HSPA4: variants seen among roughly 807,000 people sequenced by gnomAD.
The protein encoded by HSPA4 is heat shock protein family A (Hsp70) member 4, also known as heat shock 70 kDa protein 4.
Under a neutral mutation model 106.2 loss-of-function variants are expected in HSPA4, and 25 were observed. The ratio of observed to expected loss-of-function variants is 0.24; its 90% confidence interval spans 0.17 to 0.33. The LOEUF is 0.33. HSPA4 is among the 10% of genes least tolerant of loss of function. The pLI, the probability that HSPA4 is intolerant of heterozygous loss-of-function variation, is 1.00. For missense variants in HSPA4, 841 were observed against 996.0 expected, an observed-to-expected ratio of 0.84 and a Z score of 2.10; for synonymous variants, 332 against 333.6, an observed-to-expected ratio of 1.00 and a Z score of 0.05.
chr5:133,079,500 T>G (rs1765488676), intron 7 of HSPA4, among the ~76,000 whole-genome samples: 1 of 152,256 alleles, frequency 6.6e-6, no homozygotes, highest in African/African-American at 2.4e-5. Flanking sequence ...TATTATTTTC[T>G]TGTATGGATA....
rs541952267 is a variant in HSPA4, at chr5:133,058,061, T to C, written c.107+5704T>C. ...AAATAGGATTAGATAATACATGGAA[T>C]AAAGGATTCAGATAGTTTGAGTGAA... On this transcript the variant is annotated intron_variant, in intron 1 of 18. Coordinates refer to ENST00000304858, the MANE Select transcript of HSPA4 (RefSeq NM_002154.4). Among the ~76,000 whole-genome samples the C allele has an allele frequency of 5.5e-4, 83 of 152,276 alleles. 1 individual carries two copies. Among genetic ancestry groups the C allele is most frequent in the African/African-American group, 1.9e-3 (80 of 41,548 alleles).
chr5:133,085,566 A>G (rs1765568158), intron 7 of HSPA4, among the ~76,000 whole-genome samples: 1 of 151,850 alleles, frequency 6.6e-6, no homozygotes, highest in Non-Finnish European at 1.5e-5. Flanking sequence ...AGGCTGAGGC[A>G]GGAGAATTGC....
At chr5:133,100,839 T>C (rs1765775924) in intron 16 of HSPA4, among the ~76,000 whole-genome samples, 1 of 152,208 alleles carries the variant, frequency 6.6e-6, no homozygotes, top group African/African-American at 2.4e-5. Context: ...TGAATCTCAC[T>C]CTGTCAGTCG....
At chr5:133,081,958 C>A (rs1186385805) in intron 7 of HSPA4, among the ~76,000 whole-genome samples, 3 of 152,060 alleles carry the variant, frequency 2.0e-5, no homozygotes, top group Admixed American at 6.6e-5. Context: ...CACATGTCCA[C>A]AGAAAAACTC....
At chr5:133,088,881 A>T (rs529455447) in intron 9 of HSPA4, among the ~76,000 whole-genome samples, 174 bp from the exon 10 acceptor site, 1 of 152,240 alleles carries the variant, frequency 6.6e-6, no homozygotes, top group African/African-American at 2.4e-5. Context: ...GCTAGATTAT[A>T]TAGGTAATTG....
At chr5:133,059,429 A>G (rs1765208571) in intron 1 of HSPA4, among the ~76,000 whole-genome samples, 1 of 150,576 alleles carries the variant, frequency 6.6e-6, no homozygotes. Context: ...CCTGGGTGAC[A>G]AGAGTGAGAC....
intron 7 of HSPA4, among the ~76,000 whole-genome samples, chr5:133,081,430 T>G (rs1170466882): frequency 1.3e-5 from 2 of 152,230 alleles, no homozygotes; most frequent in Non-Finnish European, 1.5e-5. Context: ...TTCTGCTTAG[T>G]TTGGATTTTT....
At chr5:133,101,719 G>A (rs936642082) in intron 16 of HSPA4, 40 bp from the exon 17 acceptor site, 4 of 1,589,998 alleles carry the variant, frequency 2.5e-6, no homozygotes, top group African/African-American at 1.4e-5. Flanking sequence ...ACTCTGGATC[G>A]TTGAACTGCC....
At chr5:133,064,880 A>G in intron 1 of HSPA4, 100 bp from the exon 2 acceptor site, 2 of 1,000,666 alleles carry the variant, frequency 2.0e-6, no homozygotes, top group Non-Finnish European at 3.1e-6. Flanking sequence ...TACCATTAAA[A>G]TATATGGCAT....
chr5:133,098,042 T>C (rs1765737142), intron 15 of HSPA4, among the ~76,000 whole-genome samples: 2 of 152,012 alleles, frequency 1.3e-5, no homozygotes, highest in Non-Finnish European at 1.5e-5. Context: ...ATACCTAAGA[T>C]GGTAGTTTTT....
At chr5:133,071,666 A>G (rs898687117) in intron 4 of HSPA4, among the ~76,000 whole-genome samples, 5 of 152,122 alleles carry the variant, frequency 3.3e-5, no homozygotes, top group African/African-American at 9.7e-5. Flanking sequence ...TTTTGTCTTA[A>G]TGTTGGTGCA....
intron 14 of HSPA4, among the ~76,000 whole-genome samples, chr5:133,096,663 A>G (rs758035790): frequency 6.6e-6 from 1 of 152,212 alleles, no homozygotes; most frequent in Non-Finnish European, 1.5e-5. Context: ...GCCAGTCAGT[A>G]TGTAAATATA....
chr5:133,053,818 C>A (rs185449839), intron 1 of HSPA4, among the ~76,000 whole-genome samples: 1 of 151,992 alleles, frequency 6.6e-6, no homozygotes, highest in East Asian at 1.9e-4. Flanking sequence ...TGCTACCATG[C>A]CCGGCTAAAT....
chr5:133,097,539 C>G (rs909911819), intron 15 of HSPA4, among the ~76,000 whole-genome samples: 1 of 134,268 alleles, frequency 7.4e-6, no homozygotes, highest in African/African-American at 3.1e-5. Flanking sequence ...TTGTATCTTT[C>G]TTTTCTTTTC....
chr5:133,105,141 C>G lies in HSPA4; in HGVS notation c.*705C>G, dbSNP rs138343531. 1 of 152,178 alleles carries G rather than the reference C, an allele frequency of 6.6e-6. No homozygotes were observed. The highest frequency in any genetic ancestry group is 2.1e-4 in the South Asian group (1 of 4,834). The allele number at this position is 152,178 out of a possible 1,614,324, so 9.4% of individuals were successfully genotyped here. On this transcript the variant is annotated 3_prime_UTR_variant, in exon 19 of 19. Coordinates refer to ENST00000304858, the MANE Select transcript of HSPA4 (RefSeq NM_002154.4). ...TCATGAATACCCCAAGCATCAAGGT[C>G]TAAATAATTTTCAGAAGATTAGAAT...
intron 1 of HSPA4, among the ~76,000 whole-genome samples, chr5:133,054,424 G>C (rs951282833): frequency 1.3e-5 from 2 of 152,026 alleles, no homozygotes; most frequent in Non-Finnish European, 2.9e-5. Flanking sequence ...GGGTGGGCTC[G>C]AACTCTTGAC....
chr5:133,104,512 C>A lies in HSPA4; in HGVS notation c.*76C>A. The A allele has an allele frequency of 1.5e-6, 2 of 1,320,532 alleles. No individual in the cohort carries two copies. Among genetic ancestry groups the A allele is most frequent in the East Asian group, 2.3e-5 (1 of 43,066 alleles). The allele number at this position is 1,320,532 out of a possible 1,614,324, so 81.8% of individuals were successfully genotyped here. On this transcript the variant is annotated 3_prime_UTR_variant, in exon 19 of 19. Coordinates refer to ENST00000304858, the MANE Select transcript of HSPA4 (RefSeq NM_002154.4). ...CAACTTTGTTCTAAATATCAACTAGCGCAAGTGAATACTGAAGATTTCTTA... is the reference window on the plus strand; with the variant it reads ...CAACTTTGTTCTAAATATCAACTAGAGCAAGTGAATACTGAAGATTTCTTA...
Position 133,076,754 on chromosome 5 carries a change from A to T in HSPA4, c.764A>T (p.Asp255Val). Residue 255 changes from aspartate to valine, a missense_variant, in exon 7 of 19, where the codon GAC becomes GTC. Around this residue, in one of 5 missense-constraint regions of HSPA4, gnomAD observed 347 missense variants for 408.7 expected, o/e 0.85. Transcript: ENST00000304858. The stretch of plus-strand genomic sequence containing the variant: ...GAATTTGGGAAGAAATACAAGCTAG[A>T]CATTAAGTCCAAAATCCGTGCATTA... ...CEEFGKKYKL[D>V]IKSKIRALLR... 6.2e-7 allele frequency: 1 copy of T among 1,614,034 alleles called. No homozygotes were observed. Among genetic ancestry groups the T allele is most frequent in the Non-Finnish European group, 8.5e-7 (1 of 1,179,930 alleles).
At chr5:133,099,519 A>C in intron 15 of HSPA4, 26 bp from the exon 16 acceptor site, 1 of 1,197,832 alleles carries the variant, frequency 8.3e-7, no homozygotes, top group Non-Finnish European at 1.2e-6. Flanking sequence ...TGATTGACCT[A>C]ATTATAATAT....
Sources: allele counts gnomAD v4.1 joint callset (sites outside exome capture counted in the v4.1 genomes callset), GRCh38; gene constraint gnomAD v4.1.1; regional missense constraint gnomAD v4.1.1; transcripts MANE v1.5; gene names NCBI Gene and HGNC (gene_info 2026-07-23, HGNC 2026-07-21).